The following SMG6 variants were observed in gnomAD, a reference collection of about 807,000 sequenced individuals.
The protein encoded by SMG6 is telomerase-binding protein EST1A.
In SMG6, 66 loss-of-function variants were observed where a neutral mutation model predicts 142.2. The ratio of observed to expected loss-of-function variants is 0.46; its 90% confidence interval spans 0.38 to 0.57. The LOEUF (loss-of-function observed/expected upper bound fraction) is 0.57. Among genes scored for constraint, SMG6 ranks in the 20% least tolerant of loss-of-function variants. The pLI, the probability that SMG6 is intolerant of heterozygous loss-of-function variation, is 0.00. For missense variants in SMG6, 1,793 were observed against 1,832.0 expected, an observed-to-expected ratio of 0.98 and a Z score of 0.39; for synonymous variants, 779 against 702.4, an observed-to-expected ratio of 1.11 and a Z score of -1.72.
At chr17:2,266,509 A>G (rs1017433541) in intron 8 of SMG6, among the ~76,000 whole-genome samples, 1 of 152,196 alleles carries the variant, frequency 6.6e-6, no homozygotes, top group Non-Finnish European at 1.5e-5. Flanking sequence ...GACTACTGAG[A>G]GAGGTTTCTT....
At chr17:2,297,664 T>C (rs1192639637) in intron 3 of SMG6, among the ~76,000 whole-genome samples, 199 bp downstream of exon 3, 1 of 152,122 alleles carries the variant, frequency 6.6e-6, no homozygotes, top group African/African-American at 2.4e-5. Flanking sequence ...TTCAGAAAGC[T>C]TTCAACCTCA....
intron 13 of SMG6, among the ~76,000 whole-genome samples, chr17:2,154,966 T>C (rs536170359): frequency 6.6e-6 from 1 of 152,138 alleles, no homozygotes; most frequent in African/African-American, 2.4e-5. Context: ...GCTCAGAAGG[T>C]TGAGGCCACA....
chr17:2,273,750 T>C (rs1368834148), intron 8 of SMG6, among the ~76,000 whole-genome samples: 1 of 151,682 alleles, frequency 6.6e-6, no homozygotes, highest in Non-Finnish European at 1.5e-5. Flanking sequence ...TGAGCAGAGA[T>C]CGCGCCACTG....
Position 2,280,769 on chromosome 17 carries a change from T to A in SMG6, c.2661+1878A>T, listed in dbSNP as rs191135989. Among the ~76,000 whole-genome samples the A allele has an allele frequency of 9.2e-5, 14 of 152,350 alleles. 1 individual carries two copies. The highest frequency in any genetic ancestry group is 7.8e-4 in the Admixed American group (12 of 15,302). ...AAAGTTTTTACCAAAAATATATTCA[T>A]CTATTATTTGTATAATTAGAAATAA... On this transcript the variant is annotated intron_variant, in intron 8 of 18. Coordinates refer to ENST00000263073, the MANE Select transcript of SMG6 (RefSeq NM_017575.5).
At chr17:2,248,153 GC>G (rs1338441555) in intron 8 of SMG6, among the ~76,000 whole-genome samples, 2 of 151,994 alleles carry the variant, frequency 1.3e-5, no homozygotes, top group Non-Finnish European at 2.9e-5. Context: ...CTTCATTCAA[GC>G]CTAAATACCA....
chr17:2,172,523 G>A, intron 13 of SMG6, 135 bp downstream of exon 13: 1 of 897,178 alleles, frequency 1.1e-6, no homozygotes, highest in Non-Finnish European at 1.7e-6. Flanking sequence ...CGGCTAAAAG[G>A]TCGATATTTT....
chr17:2,116,952 T>C lies in SMG6; in HGVS notation c.3358-31051A>G, dbSNP rs1263118870. Among the ~76,000 whole-genome samples the C allele has an allele frequency of 2.6e-5, 4 of 151,734 alleles. No homozygotes were observed. The South Asian group carries it at 8.3e-4, about 31-fold the overall frequency. ...CAGAAGAGGGTATTCAAATGGCCAA[T>C]AGCAGAAGAAAAGGCACTCAATATC... On this transcript the variant is annotated intron_variant, in intron 13 of 18. Transcript: ENST00000263073.
intron 18 of SMG6, among the ~76,000 whole-genome samples, chr17:2,064,335 G>T (rs1455587186): frequency 2.0e-5 from 3 of 152,090 alleles, no homozygotes; most frequent in Non-Finnish European, 2.9e-5. Flanking sequence ...ATTGACCTGT[G>T]GGGTGAGGCA....
chr17:2,134,384 C>T (rs1242531454), intron 13 of SMG6, among the ~76,000 whole-genome samples: 1 of 114,872 alleles, frequency 8.7e-6, no homozygotes, highest in Non-Finnish European at 1.6e-5. Context: ...TGCCTACAAC[C>T]TGGGAGCCTG....
chr17:2,097,417 T>C (rs2068885751), intron 13 of SMG6, among the ~76,000 whole-genome samples: 1 of 152,204 alleles, frequency 6.6e-6, no homozygotes, highest in Non-Finnish European at 1.5e-5. Context: ...ATGATAGGCA[T>C]GAGTCACCAC....
intron 10 of SMG6, among the ~76,000 whole-genome samples, chr17:2,228,558 T>C (rs867911971): frequency 2.0e-5 from 3 of 151,568 alleles, no homozygotes; most frequent in African/African-American, 7.3e-5. Context: ...AGGCAAGGTT[T>C]CCCCACGTTG....
At chr17:2,183,824 AAGAC>A (rs1319270474) in intron 12 of SMG6, among the ~76,000 whole-genome samples, 2 of 151,458 alleles carry the variant, frequency 1.3e-5, no homozygotes, top group Non-Finnish European at 1.5e-5. Context: ...GGCAAAGAGA[AAGAC>A]AGAGGCAGGC....
Position 2,299,055 on chromosome 17 carries a change from G to A in SMG6, c.1698C>T (p.Pro566=), listed in dbSNP as rs1482794216. The A allele has an allele frequency of 1.2e-5, 20 of 1,614,010 alleles. No individual in the cohort carries two copies. Among genetic ancestry groups the A allele is most frequent in the East Asian group, 2.2e-5 (1 of 44,884 alleles). Residue 566 remains proline (P), a synonymous_variant, in exon 2 of 19, where the codon CCC becomes CCT. Coordinates refer to ENST00000263073, the MANE Select transcript of SMG6 (RefSeq NM_017575.5). The surrounding 1 kb of genome is among the most constrained non-coding windows in gnomAD (Gnocchi z 4.3). The part of the protein sequence containing the change: ...CSPLPTSTMS[P]EEVEQHMRNL... ...TCCTCATGTGCTGCTCTACCTCCTC[G>A]GGACTCATGGTGCTGGTAGGTAGAG...
rs1176742053 is a variant in SMG6, at chr17:2,152,558, C to G, written c.3357+20100G>C. ...CAAAAGATGTGAATAGACACTTCAC[C>G]AAAGAAGATACACAGATGACAAATG... On this transcript the variant is annotated intron_variant, in intron 13 of 18. Coordinates refer to ENST00000263073, the MANE Select transcript of SMG6 (RefSeq NM_017575.5). 2.0e-5 allele frequency among the ~76,000 whole-genome samples: 3 copies of G among 152,062 alleles called. No homozygotes were observed. In the East Asian group the frequency reaches 5.8e-4, roughly 29 times the overall value.
intron 8 of SMG6, among the ~76,000 whole-genome samples, chr17:2,260,021 C>T (rs1040399687): frequency 6.6e-6 from 1 of 152,166 alleles, no homozygotes; most frequent in South Asian, 2.1e-4. Flanking sequence ...AGGATTCTGG[C>T]GCATCAACTC....
chr17:2,137,171 A>ATT (rs942277967), intron 13 of SMG6, among the ~76,000 whole-genome samples: 16 of 152,122 alleles, frequency 1.1e-4, no homozygotes, highest in Non-Finnish European at 1.9e-4. Flanking sequence ...TGACTCAAAA[A>ATT]AAGGATCCAG....
chr17:2,186,445 A>G (rs2071987684), intron 12 of SMG6, among the ~76,000 whole-genome samples: 1 of 152,116 alleles, frequency 6.6e-6, no homozygotes, highest in Non-Finnish European at 1.5e-5. Context: ...GAGGAAAAAG[A>G]GAGTGTGAGA....
intron 13 of SMG6, among the ~76,000 whole-genome samples, chr17:2,092,043 T>G (rs72813501): frequency 2.0e-5 from 3 of 151,756 alleles, no homozygotes; most frequent in Non-Finnish European, 4.4e-5. Context: ...GGAGTTGCAC[T>G]GGCATGATCT....
chr17:2,079,492 T>A (rs1159065807), intron 15 of SMG6, among the ~76,000 whole-genome samples: 3 of 150,908 alleles, frequency 2.0e-5, no homozygotes, highest in Non-Finnish European at 4.4e-5. Context: ...AAAAATTAGC[T>A]GGGCGTGGTG....
Sources: gnomAD v4.1 joint callset for allele counts (sites outside exome capture counted in the v4.1 genomes callset) on GRCh38, gnomAD v4.1.1 for gene constraint, Gnocchi (gnomAD v3.1) non-coding constraint, MANE v1.5 for transcripts, NCBI Gene and HGNC (gene_info 2026-07-23, HGNC 2026-07-21) for gene names.